Variants in PRKAR2B observed in about 807,000 individuals in gnomAD.
PRKAR2B encodes the protein cAMP-dependent protein kinase type II-beta regulatory subunit.
PRKAR2B carries 14 observed loss-of-function variants against 49.9 expected under a neutral mutation model. The observed-to-expected ratio is 0.28, with a 90% CI of 0.19 to 0.44. PRKAR2B has a LOEUF of 0.44. PRKAR2B is among the 20% of genes least tolerant of loss of function. The pLI, the probability that PRKAR2B is intolerant of heterozygous loss-of-function variation, is 1.00. For missense variants in PRKAR2B, 393 were observed against 537.9 expected, an observed-to-expected ratio of 0.73 and a Z score of 2.67; for synonymous variants, 196 against 197.7, an observed-to-expected ratio of 0.99 and a Z score of 0.07.
rs1215914818 is a variant in PRKAR2B at position 107,081,248 on chromosome 7, T to G, written c.343+10932T>G. ...GGGGAGAGCAAAGATTTCTCTGAAA[T>G]GTAACATCCTTTAGCTTTTTAGATG... On this transcript the variant is annotated intron_variant, in intron 2 of 10. Coordinates refer to ENST00000265717, the MANE Select transcript of PRKAR2B (RefSeq NM_002736.3). Among the ~76,000 whole-genome samples the G allele has an allele frequency of 3.3e-5, 5 of 152,324 alleles. No individual in the cohort carries two copies. The East Asian group carries it at 9.7e-4, about 29-fold the overall frequency.
At chr7:107,099,007 A>G (rs557996237) in intron 2 of PRKAR2B, among the ~76,000 whole-genome samples, 3 of 152,188 alleles carry the variant, frequency 2.0e-5, no homozygotes, top group Non-Finnish European at 2.9e-5. Context: ...TCAGATCTCA[A>G]ACTCCGTGCC....
intron 4 of PRKAR2B, among the ~76,000 whole-genome samples, chr7:107,137,108 GC>G (rs1370020497): frequency 6.6e-6 from 1 of 152,162 alleles, no homozygotes; most frequent in Non-Finnish European, 1.5e-5. Context: ...AAAATTATTT[GC>G]AAGGCAGCCC....
At chr7:107,138,286 T>C (rs1354931464) in intron 4 of PRKAR2B, among the ~76,000 whole-genome samples, 1 of 152,224 alleles carries the variant, frequency 6.6e-6, no homozygotes, top group Non-Finnish European at 1.5e-5. Context: ...GTAACAAATA[T>C]GCCACTCCAG....
chr7:107,137,845 CT>C (rs1410643651), intron 4 of PRKAR2B, among the ~76,000 whole-genome samples: 4 of 152,240 alleles, frequency 2.6e-5, no homozygotes, highest in African/African-American at 7.2e-5. Flanking sequence ...CCTCCTTTCT[CT>C]TTTCTGGAAG....
rs114323566 is a variant in PRKAR2B, at chr7:107,122,154, A to G, written c.396+150A>G. 720 of 470,004 alleles carry G rather than the reference A, an allele frequency of 1.5e-3. 5 individuals carry two copies. The highest frequency in any genetic ancestry group is 0.013 in the African/African-American group (653 of 49,956). The allele number at this position is 470,004 out of a possible 1,614,324, so 29.1% of individuals were successfully genotyped here. On this transcript the variant is annotated intron_variant, in intron 3 of 10. Transcript: ENST00000265717. ...GTTTCTTTTCCTAGTCTCATCTCCA[A>G]TAGCCTACTCCTGCTGTGAGTCTTG... is the stretch of plus-strand genomic sequence containing the variant.
intron 5 of PRKAR2B, among the ~76,000 whole-genome samples, chr7:107,142,837 A>G (rs111742678): frequency 0.091 from 13,815 of 151,752 alleles, 681 homozygotes; most frequent in Middle Eastern, 0.17. Context: ...ATCTCGACCC[A>G]CTGCAACCTC....
At chr7:107,084,935 T>A (rs1056270040) in intron 2 of PRKAR2B, among the ~76,000 whole-genome samples, 1 of 152,088 alleles carries the variant, frequency 6.6e-6, no homozygotes, top group Non-Finnish European at 1.5e-5. Flanking sequence ...TATATACTTT[T>A]GAAGTATCTG....
intron 2 of PRKAR2B, among the ~76,000 whole-genome samples, chr7:107,108,572 C>T (rs188045354): frequency 6.6e-5 from 10 of 152,238 alleles, no homozygotes; most frequent in Non-Finnish European, 1.3e-4. Context: ...AGGGGAGACT[C>T]ACCTGTCCTT....
chr7:107,137,003 G>A (rs2115627395), intron 4 of PRKAR2B, among the ~76,000 whole-genome samples: 1 of 152,292 alleles, frequency 6.6e-6, no homozygotes, highest in East Asian at 1.9e-4. Flanking sequence ...TGGAAGACAT[G>A]GAAGAACCTT....
chr7:107,085,782 T>G (rs1289887543), intron 2 of PRKAR2B, among the ~76,000 whole-genome samples: 1 of 152,204 alleles, frequency 6.6e-6, no homozygotes, highest in African/African-American at 2.4e-5. Flanking sequence ...ACCTCTTGCT[T>G]CTTAATACTT....
At chr7:107,150,560 G>A (rs1490679390) in intron 6 of PRKAR2B, among the ~76,000 whole-genome samples, 3 of 134,740 alleles carry the variant, frequency 2.2e-5, no homozygotes, top group Admixed American at 7.8e-5. Flanking sequence ...GAAAAAGAAC[G>A]TAGAGTACAT....
chr7:107,066,301 G>GGTGTGTGTGTGTGTGTGT (rs3074837), intron 1 of PRKAR2B, among the ~76,000 whole-genome samples: 27 of 145,604 alleles, frequency 1.9e-4, no homozygotes, highest in African/African-American at 6.2e-4. Context: ...CTCTATGTGG[G>GGTGTGTGTGTGTGTGTGT]GTGTGTGTGT....
intron 2 of PRKAR2B, among the ~76,000 whole-genome samples, chr7:107,101,054 G>A (rs1358149676): frequency 6.7e-6 from 1 of 150,238 alleles, no homozygotes; most frequent in Non-Finnish European, 1.5e-5. Context: ...TATCTTACAA[G>A]TTTGCTGAGG....
chr7:107,098,019 T>G (rs1390183223), intron 2 of PRKAR2B, among the ~76,000 whole-genome samples: 1 of 152,228 alleles, frequency 6.6e-6, no homozygotes, highest in Non-Finnish European at 1.5e-5. Flanking sequence ...AGTATCTTTG[T>G]GGCATTCTCT....
intron 3 of PRKAR2B, among the ~76,000 whole-genome samples, chr7:107,126,420 CAAAAAAA>C (rs35682952): frequency 3.9e-4 from 15 of 38,400 alleles, no homozygotes; most frequent in African/African-American, 1.3e-3. Flanking sequence ...GAATCTGTCT[CAAAAAAA>C]AAAAAAAAAA....
chr7:107,061,595 A>C (rs1188476745), intron 1 of PRKAR2B, among the ~76,000 whole-genome samples: 1 of 152,206 alleles, frequency 6.6e-6, no homozygotes, highest in Non-Finnish European at 1.5e-5. Context: ...AAAGACTTGA[A>C]CACGTCAATA....
At chr7:107,134,109 ACCTCCG>A (rs1272429237) in intron 4 of PRKAR2B, among the ~76,000 whole-genome samples, 1 of 151,678 alleles carries the variant, frequency 6.6e-6, no homozygotes, top group Non-Finnish European at 1.5e-5. Flanking sequence ...GCTCACTGCA[ACCTCCG>A]CCTCCTGGGT....
intron 4 of PRKAR2B, among the ~76,000 whole-genome samples, chr7:107,135,644 T>C (rs1795684817): frequency 6.6e-6 from 1 of 152,118 alleles, no homozygotes; most frequent in East Asian, 1.9e-4. Flanking sequence ...CAAAATGAAA[T>C]ATTTAGATGT....
chr7:107,095,315 G>T (rs1184982596), intron 2 of PRKAR2B, among the ~76,000 whole-genome samples: 1 of 152,066 alleles, frequency 6.6e-6, no homozygotes, highest in Non-Finnish European at 1.5e-5. Context: ...TATGTTATTG[G>T]TGTGTAAGAA....
Sources: allele counts gnomAD v4.1 joint callset (sites outside exome capture counted in the v4.1 genomes callset), GRCh38; gene constraint gnomAD v4.1.1; transcripts MANE v1.5; gene names NCBI Gene and HGNC (gene_info 2026-07-23, HGNC 2026-07-21).